The following PTPRQ variants were observed in gnomAD, a reference collection of about 807,000 sequenced individuals.
PTPRQ encodes the protein protein tyrosine phosphatase receptor type Q, also known as phosphatidylinositol phosphatase PTPRQ.
Under a neutral mutation model 246.0 loss-of-function variants are expected in PTPRQ, and 199 were observed. The ratio of observed to expected loss-of-function variants is 0.81; its 90% confidence interval spans 0.72 to 0.91. PTPRQ has a LOEUF of 0.91. Among genes scored for constraint, PTPRQ ranks in the 40% least tolerant of loss-of-function variants. The pLI, the probability that PTPRQ is intolerant of heterozygous loss-of-function variation, is 0.00. For synonymous variants in PTPRQ, 869 were observed against 853.2 expected (o/e 1.02, Z -0.32); for missense variants, 2,624 against 2,528.4 (o/e 1.04, Z -0.81).
At chr12:80,598,678 G>A (rs1898046728) in intron 26 of PTPRQ, among the ~76,000 whole-genome samples, 1 of 151,884 alleles carries the variant, frequency 6.6e-6, no homozygotes, top group Non-Finnish European at 1.5e-5. Context: ...GTGGCCTAGT[G>A]CACCAAATTC....
At chr12:80,590,617 GAAATCGCACCAC>G (rs1897764079) in intron 26 of PTPRQ, among the ~76,000 whole-genome samples, 1 of 125,022 alleles carries the variant, frequency 8.0e-6, no homozygotes, top group Admixed American at 1.1e-4. Context: ...GCAGTGAGCC[GAAATCGCACCAC>G]TGCACTCCAG....
chr12:80,512,106 AAG>A (rs1895142956), intron 17 of PTPRQ, among the ~76,000 whole-genome samples: 1 of 152,210 alleles, frequency 6.6e-6, no homozygotes, highest in African/African-American at 2.4e-5. Flanking sequence ...AGATAAGAAA[AAG>A]AGAAGAATCA....
chr12:80,515,802 T>C (rs774142650), intron 17 of PTPRQ, among the ~76,000 whole-genome samples: 13 of 151,500 alleles, frequency 8.6e-5, no homozygotes, highest in Non-Finnish European at 1.9e-4. Context: ...ATTTATTATA[T>C]TGGGTAACTT....
chr12:80,487,118 C>G (rs866631293), intron 9 of PTPRQ, among the ~76,000 whole-genome samples: 2 of 152,062 alleles, frequency 1.3e-5, no homozygotes, highest in African/African-American at 4.8e-5. Context: ...ACTCTTTTGC[C>G]TTACTTTCTA....
At chr12:80,619,290 A>G in intron 30 of PTPRQ, 94 bp from the exon 31 acceptor site, 1 of 1,362,338 alleles carries the variant, frequency 7.3e-7, no homozygotes, top group East Asian at 2.6e-5. Flanking sequence ...TCATCACTTT[A>G]TCTGTAAATT....
intron 39 of PTPRQ, among the ~76,000 whole-genome samples, chr12:80,664,127 T>C (rs1013137156): frequency 1.3e-5 from 2 of 151,878 alleles, no homozygotes; most frequent in Non-Finnish European, 2.9e-5. Flanking sequence ...TGGAGAAAAA[T>C]TCATGATCAC....
chr12:80,553,634 A>G (rs1291615131), intron 25 of PTPRQ, among the ~76,000 whole-genome samples: 3 of 152,128 alleles, frequency 2.0e-5, no homozygotes, highest in Non-Finnish European at 2.9e-5. Flanking sequence ...ATCTGGATGC[A>G]GCTAAACATG....
At chr12:80,601,363 A>C (rs1898137096) in intron 26 of PTPRQ, among the ~76,000 whole-genome samples, 1 of 151,774 alleles carries the variant, frequency 6.6e-6, no homozygotes, top group Non-Finnish European at 1.5e-5. Flanking sequence ...ACTGTTGCTA[A>C]ATGAAAAGGG....
chr12:80,670,334 C>T lies in PTPRQ; in HGVS notation c.6454-10C>T. The T allele has an allele frequency of 6.5e-7, 1 of 1,549,754 alleles. No individual in the cohort carries two copies. Among genetic ancestry groups the T allele is most frequent in the Non-Finnish European group, 8.7e-7 (1 of 1,146,048 alleles). ...AATTTTGTCATTCATTAATCCGTCC[C>T]TTTGTCTAGCATGGGGATTGCATGA... On this transcript the variant is annotated splice_polypyrimidine_tract_variant and intron_variant, in intron 41 of 44. Transcript: ENST00000644991.
chr12:80,492,443 G>A (rs1458079800), intron 9 of PTPRQ, among the ~76,000 whole-genome samples: 1 of 151,926 alleles, frequency 6.6e-6, no homozygotes, highest in African/African-American at 2.4e-5. Flanking sequence ...TGATTAATGT[G>A]TAGTCTTATT....
chr12:80,640,925 T>C (rs1164425068), intron 35 of PTPRQ, among the ~76,000 whole-genome samples: 1 of 152,220 alleles, frequency 6.6e-6, no homozygotes. Context: ...CCTAGATTCC[T>C]GTACAGGCTT....
intron 12 of PTPRQ, among the ~76,000 whole-genome samples, chr12:80,495,781 A>G (rs1331308696): frequency 6.6e-6 from 1 of 152,038 alleles, no homozygotes; most frequent in East Asian, 1.9e-4. Flanking sequence ...TACTTTTGCA[A>G]CTTTAAATTA....
intron 25 of PTPRQ, among the ~76,000 whole-genome samples, chr12:80,587,603 A>G (rs529461566): frequency 2.6e-5 from 4 of 152,038 alleles, no homozygotes; most frequent in African/African-American, 9.7e-5. Context: ...CTAAATATAC[A>G]TGAGATAAAA....
intron 25 of PTPRQ, among the ~76,000 whole-genome samples, chr12:80,564,479 A>G (rs1006360462): frequency 2.0e-5 from 3 of 152,144 alleles, no homozygotes; most frequent in African/African-American, 7.2e-5. Flanking sequence ...AAGTTCATCC[A>G]TGGGTATATT....
intron 25 of PTPRQ, among the ~76,000 whole-genome samples, chr12:80,572,777 T>C (rs1897180687): frequency 6.6e-6 from 1 of 152,202 alleles, no homozygotes; most frequent in African/African-American, 2.4e-5. Context: ...GCTTTTTCTC[T>C]TTTATTCTCT....
At chr12:80,544,912 A>T (rs1414162056) in intron 23 of PTPRQ, among the ~76,000 whole-genome samples, 1 of 152,176 alleles carries the variant, frequency 6.6e-6, no homozygotes, top group African/African-American at 2.4e-5. Context: ...AATAAAATCA[A>T]TAGGTGACTT....
chr12:80,620,844 G>T (rs1213011058), intron 32 of PTPRQ, among the ~76,000 whole-genome samples: 1 of 151,768 alleles, frequency 6.6e-6, no homozygotes, highest in African/African-American at 2.4e-5. Context: ...ATGAATGAGT[G>T]ATAGAAATAT....
rs1217063955 is a variant in PTPRQ, at chr12:80,680,254, T to G, written c.*1231T>G. 2 of 151,464 alleles carry G rather than the reference T, an allele frequency of 1.3e-5. No individual in the cohort carries two copies. The highest frequency in any genetic ancestry group is 3.0e-5 in the Non-Finnish European group (2 of 67,714). 9.4% of individuals were successfully genotyped at this position (151,464 alleles called of 1,614,324 possible). On this transcript the variant is annotated 3_prime_UTR_variant, in exon 45 of 45. Coordinates refer to ENST00000644991, the MANE Select transcript of PTPRQ (RefSeq NM_001145026.2). ...TATATATAAGAAATGCTATGGCCAA[T>G]AAAATTGAATTTTAATGAATTATCT...
chr12:80,656,691 G>A (rs1900449684), intron 38 of PTPRQ, among the ~76,000 whole-genome samples: 1 of 151,936 alleles, frequency 6.6e-6, no homozygotes, highest in South Asian at 2.1e-4. Context: ...TTAGAAATTT[G>A]AAAGAAAGAA....
Sources: gnomAD v4.1 joint callset for allele counts (sites outside exome capture counted in the v4.1 genomes callset) on GRCh38, gnomAD v4.1.1 for gene constraint, MANE v1.5 for transcripts, NCBI Gene and HGNC (gene_info 2026-07-23, HGNC 2026-07-21) for gene names.